The following DNAAF9 variants were observed in gnomAD, a reference collection of about 807,000 sequenced individuals.
The protein encoded by DNAAF9 is dynein axonemal assembly factor 9.
DNAAF9 carries 90 observed loss-of-function variants against 167.0 expected under a neutral mutation model. The ratio of observed to expected loss-of-function variants is 0.54; its 90% CI spans 0.45 to 0.64. The LOEUF (loss-of-function observed/expected upper bound fraction) is 0.64, where lower values mean the gene tolerates loss of function less well. DNAAF9 is among the 30% of genes least tolerant of loss of function. DNAAF9 has a pLI of 0.00. For synonymous variants in DNAAF9, 491 were observed against 508.8 expected (o/e 0.96, Z 0.47); for missense variants, 1,315 against 1,442.2 (o/e 0.91, Z 1.43).
In DNAAF9 at chr20:3,287,807, T is replaced by A; in HGVS notation, c.2328-17A>T. ...ACCATCCATCTGGAAAGGTAAAAGG[T>A]AACCTCTGCATGGGGGCCACCTGAT... is the stretch of plus-strand genomic sequence containing the variant. On this transcript the variant is annotated splice_polypyrimidine_tract_variant and intron_variant, in intron 26 of 36. Transcript: ENST00000252032. The A allele has an allele frequency of 6.2e-7, 1 of 1,613,644 alleles. No individual in the cohort carries two copies. Among genetic ancestry groups the A allele is most frequent in the Non-Finnish European group, 8.5e-7 (1 of 1,179,598 alleles).
chr20:3,377,329 A>G (rs1050632963), intron 3 of DNAAF9, among the ~76,000 whole-genome samples: 1 of 152,254 alleles, frequency 6.6e-6, no homozygotes, highest in African/African-American at 2.4e-5. Context: ...ACAGCTTTGC[A>G]GCACCATTTA....
chr20:3,391,578 CTTT>C (rs34396355), intron 1 of DNAAF9, among the ~76,000 whole-genome samples: 3 of 120,934 alleles, frequency 2.5e-5, no homozygotes, highest in Non-Finnish European at 4.9e-5. Flanking sequence ...TTTTTTCCTT[CTTT>C]TTTTTTTTTT....
intron 20 of DNAAF9, among the ~76,000 whole-genome samples, chr20:3,312,639 A>G (rs2069434776): frequency 1.3e-5 from 2 of 152,292 alleles, no homozygotes; most frequent in South Asian, 4.1e-4. Flanking sequence ...AGACACTTGA[A>G]CTTCAGGACC....
intron 6 of DNAAF9, chr20:3,362,253 G>A (rs1174056592): frequency 7.4e-7 from 1 of 1,357,482 alleles, no homozygotes; most frequent in African/African-American, 1.4e-5. Context: ...CTCCTTTCTG[G>A]CTTTCTTCGA....
At chr20:3,401,979 C>T (rs562243480) in intron 1 of DNAAF9, among the ~76,000 whole-genome samples, 2 of 152,310 alleles carry the variant, frequency 1.3e-5, no homozygotes, top group South Asian at 4.1e-4. Flanking sequence ...AGAGCACATC[C>T]TCCAGTAGCT....
At chr20:3,290,977 C>CG (rs2068940857) in intron 25 of DNAAF9, among the ~76,000 whole-genome samples, 1 of 152,000 alleles carries the variant, frequency 6.6e-6, no homozygotes, top group African/African-American at 2.4e-5. Flanking sequence ...TTAGTAGACA[C>CG]GGGGTTTCAC....
intron 36 of DNAAF9, 73 bp from the exon 37 acceptor site, chr20:3,252,757 T>C (rs1197929788): frequency 5.6e-6 from 5 of 890,764 alleles, no homozygotes; most frequent in Non-Finnish European, 7.6e-6. Context: ...GAGCGGCCTG[T>C]AGGCAGGTGA....
At chr20:3,389,622 A>C (rs566405579) in intron 1 of DNAAF9, among the ~76,000 whole-genome samples, 6 of 152,190 alleles carry the variant, frequency 3.9e-5, no homozygotes, top group African/African-American at 1.4e-4. Context: ...AAAGAGAAAT[A>C]GTTTTTAAAA....
intron 6 of DNAAF9, among the ~76,000 whole-genome samples, chr20:3,365,268 C>T (rs1006291702): frequency 2.6e-5 from 4 of 152,166 alleles, no homozygotes; most frequent in Admixed American, 6.5e-5. Context: ...ATCCACTATG[C>T]CAGCAGCCAT....
At chr20:3,405,985 C>T (rs948409356) in intron 1 of DNAAF9, among the ~76,000 whole-genome samples, 1 of 152,178 alleles carries the variant, frequency 6.6e-6, no homozygotes, top group Non-Finnish European at 1.5e-5. Context: ...AAACTTGGAA[C>T]TGTAAAGCCC....
At chr20:3,336,252 G>GTGTT (rs2069940496) in intron 10 of DNAAF9, among the ~76,000 whole-genome samples, 1 of 81,444 alleles carries the variant, frequency 1.2e-5, no homozygotes, top group East Asian at 3.3e-4. Context: ...ACAGTTTTGC[G>GTGTT]TTTTTGTTTT....
chr20:3,307,790 C>T (rs995293146), intron 20 of DNAAF9, among the ~76,000 whole-genome samples: 2 of 151,896 alleles, frequency 1.3e-5, no homozygotes, highest in African/African-American at 4.8e-5. Flanking sequence ...CAAGCAAATG[C>T]CAAAGAAGAA....
At chr20:3,331,882 C>G (rs1414247818) in intron 11 of DNAAF9, among the ~76,000 whole-genome samples, 1 of 152,176 alleles carries the variant, frequency 6.6e-6, no homozygotes. Flanking sequence ...CCATGTTGGC[C>G]AGGCTGGTCT....
At chr20:3,317,173 G>A (rs1414042506) in intron 17 of DNAAF9, among the ~76,000 whole-genome samples, 2 of 151,530 alleles carry the variant, frequency 1.3e-5, no homozygotes, top group African/African-American at 4.8e-5. Flanking sequence ...GGGATTGCAG[G>A]CAACATGGCA....
intron 10 of DNAAF9, among the ~76,000 whole-genome samples, chr20:3,337,196 C>T (rs1352893658): frequency 6.6e-6 from 1 of 151,534 alleles, no homozygotes; most frequent in Non-Finnish European, 1.5e-5. Flanking sequence ...GGTTTTTCTA[C>T]ACATCTTCTA....
intron 1 of DNAAF9, among the ~76,000 whole-genome samples, chr20:3,395,508 T>C (rs1001946903): frequency 6.6e-6 from 1 of 152,014 alleles, no homozygotes; most frequent in African/African-American, 2.4e-5. Flanking sequence ...TTTGAACTCC[T>C]GGCCTCAAGC....
At chr20:3,322,346 C>T in intron 15 of DNAAF9, 84 bp from the exon 16 acceptor site, 1 of 1,072,144 alleles carries the variant, frequency 9.3e-7, no homozygotes, top group Non-Finnish European at 1.4e-6. Flanking sequence ...TTCAACTTGG[C>T]AATGACAAGT....
At chr20:3,331,470 A>C (rs1170776593) in intron 11 of DNAAF9, among the ~76,000 whole-genome samples, 1 of 151,966 alleles carries the variant, frequency 6.6e-6, no homozygotes, top group Non-Finnish European at 1.5e-5. Flanking sequence ...GTTCTTTTCC[A>C]TGTGTCTTTG....
At chr20:3,283,600 T>C (rs1183316483) in intron 27 of DNAAF9, among the ~76,000 whole-genome samples, 4 of 152,190 alleles carry the variant, frequency 2.6e-5, no homozygotes, top group Non-Finnish European at 5.9e-5. Flanking sequence ...CAACACGCAC[T>C]GCCAGGCCCA....
Sources: allele counts gnomAD v4.1 joint callset (sites outside exome capture counted in the v4.1 genomes callset), GRCh38; gene constraint gnomAD v4.1.1; transcripts MANE v1.5; gene names NCBI Gene and HGNC (gene_info 2026-07-23, HGNC 2026-07-21).